FGFR1: variants seen among roughly 807,000 people sequenced by gnomAD.
FGFR1 encodes the protein fibroblast growth factor receptor 1, also known as FGFR1/PLAG1 fusion.
A neutral mutation model predicts 93.7 loss-of-function variants in FGFR1; 18 were observed. That is an observed-to-expected ratio of 0.19 (90% CI 0.13 to 0.28). The LOEUF (loss-of-function observed/expected upper bound fraction) is 0.28, where lower values mean the gene tolerates loss of function less well. FGFR1 is among the 10% of genes least tolerant of loss of function. FGFR1 has a pLI of 1.00. For synonymous variants in FGFR1, 448 were observed against 429.3 expected, an observed-to-expected ratio of 1.04 and a Z score of -0.54; for missense variants, 731 against 1,080.4, an observed-to-expected ratio of 0.68 and a Z score of 4.53.
chr8:38,432,177 A>G (rs1332211925), intron 2 of FGFR1, among the ~76,000 whole-genome samples: 3 of 152,146 alleles, frequency 2.0e-5, no homozygotes, highest in African/African-American at 7.2e-5. Flanking sequence ...AAGAGAATGC[A>G]GCAAAGGAAC....
At chr8:38,460,217 C>G (rs1834053585) in intron 1 of FGFR1, among the ~76,000 whole-genome samples, 1 of 152,176 alleles carries the variant, frequency 6.6e-6, no homozygotes, top group Admixed American at 6.5e-5. Context: ...CCCTTGGAAG[C>G]AGACCACAGA....
At chr8:38,467,403 C>G (rs1391910575) in intron 1 of FGFR1, among the ~76,000 whole-genome samples, 3 of 152,148 alleles carry the variant, frequency 2.0e-5, no homozygotes, top group Non-Finnish European at 4.4e-5. Context: ...TCTCCCACCC[C>G]ATCCGACCCC....
At chr8:38,460,354 C>G (rs1350927712) in intron 1 of FGFR1, among the ~76,000 whole-genome samples, 1 of 152,192 alleles carries the variant, frequency 6.6e-6, no homozygotes, top group Non-Finnish European at 1.5e-5. Context: ...TGATGCAGGC[C>G]TGTCACCCAG....
chr8:38,440,243 G>A, intron 2 of FGFR1: 1 of 1,438,674 alleles, frequency 7.0e-7, no homozygotes, highest in Non-Finnish European at 9.6e-7. Flanking sequence ...CGGGGCTCCG[G>A]GGGCCCTCTG....
intron 1 of FGFR1, among the ~76,000 whole-genome samples, 188 bp from the exon 2 acceptor site, chr8:38,457,722 C>T (rs1833249467): frequency 6.6e-6 from 1 of 152,142 alleles, no homozygotes; most frequent in Non-Finnish European, 1.5e-5. Context: ...TGTGGTGGTG[C>T]ACCCTGTAAT....
chr8:38,461,054 C>T (rs1834284587), intron 1 of FGFR1: 1 of 1,535,478 alleles, frequency 6.5e-7, no homozygotes, highest in African/African-American at 1.4e-5. Flanking sequence ...AGAGGGGGCA[C>T]ATCTCAGTTT....
intron 2 of FGFR1, among the ~76,000 whole-genome samples, chr8:38,442,995 T>C (rs1828027528): frequency 6.6e-6 from 1 of 152,124 alleles, no homozygotes; most frequent in African/African-American, 2.4e-5. Flanking sequence ...TTCTCCACCG[T>C]AAAGAAATTC....
intron 2 of FGFR1, among the ~76,000 whole-genome samples, chr8:38,445,738 A>G (rs1280720959): frequency 1.3e-5 from 2 of 150,016 alleles, no homozygotes; most frequent in Non-Finnish European, 3.0e-5. Context: ...TAGTAGAGAC[A>G]CTATGTTGGC....
intron 8 of FGFR1, chr8:38,421,536 G>C (rs1228490200): frequency 1.8e-6 from 1 of 545,418 alleles, no homozygotes; most frequent in Non-Finnish European, 3.3e-6. Context: ...CCCAGATCCC[G>C]GGCATGCATT....
In FGFR1 at chr8:38,455,399, G is replaced by C. The variant is rs193155466; in HGVS notation, c.91+1957C>G. 1.7e-3 allele frequency among the ~76,000 whole-genome samples: 261 copies of C among 152,254 alleles called. 3 individuals carry two copies. The highest frequency in any genetic ancestry group is 5.9e-3 in the African/African-American group (246 of 41,548). The stretch of plus-strand genomic sequence containing the variant: ...GGGTTCACGCCATTCTCCTGCCTCA[G>C]CTGGAGACTGGAGCTGGAGTAGCTG... On this transcript the variant is annotated intron_variant, in intron 2 of 17. Transcript: ENST00000447712.
At chr8:38,416,448 ATTTTTTTTTTTTTT>A (rs57944426) in intron 12 of FGFR1, among the ~76,000 whole-genome samples, 4 of 80,932 alleles carry the variant, frequency 4.9e-5, no homozygotes, top group African/African-American at 1.6e-4. Context: ...TGCCTGGCTA[ATTTTTTTTTTTTTT>A]TTTTTTTTTT....
chr8:38,429,788 C>T lies in FGFR1; in HGVS notation c.252G>A (p.Glu84=), dbSNP rs2150959809. Residue 84 remains glutamate (E), a synonymous_variant, in exon 3 of 18, where the codon GAG becomes GAA. Transcript: ENST00000447712. This position sits in a 1 kb window ranked among gnomAD's most constrained non-coding sequence, Gnocchi z 4.4. The part of the protein sequence containing the change: ...AESNRTRITG[E]EVEVQDSVPA... ...GCACGGAGTCCTGCACCTCCACCTC[C>T]TCCCCTGTGATGCGGGTGCGGTTGC... 9 of 1,612,250 alleles carry T rather than the reference C, an allele frequency of 5.6e-6. No homozygotes were observed. In the East Asian group the frequency reaches 1.6e-4, roughly 28 times the overall value.
intron 2 of FGFR1, among the ~76,000 whole-genome samples, chr8:38,446,800 CAG>C: frequency 6.6e-6 from 1 of 152,252 alleles, no homozygotes. Context: ...TTCCATTCAT[CAG>C]AGATTGTTGG....
At chr8:38,457,673 C>A (rs2151359787) in intron 1 of FGFR1, 139 bp from the exon 2 acceptor site, 1 of 781,152 alleles carries the variant, frequency 1.3e-6, no homozygotes, top group Non-Finnish European at 2.0e-6. Flanking sequence ...AATTGTGAAG[C>A]TACCCCAACA....
In FGFR1 at chr8:38,424,222, T is replaced by A; in HGVS notation, c.936+287A>T. On this transcript the variant is annotated intron_variant, in intron 7 of 17. Transcript: ENST00000447712. The surrounding 1 kb of genome is among the most constrained non-coding windows in gnomAD (Gnocchi z 4.3). Reference sequence around the variant, plus strand: ...AAAGGCAGGGGTCCAAATGCCTTCCTTGTGTAGCTGACCCCAAAGCCCCAG... The same window carrying A: ...AAAGGCAGGGGTCCAAATGCCTTCCATGTGTAGCTGACCCCAAAGCCCCAG... 1 of 571,126 alleles carries A rather than the reference T, an allele frequency of 1.8e-6. No homozygotes were observed. Among genetic ancestry groups the A allele is most frequent in the Non-Finnish European group, 3.3e-6 (1 of 301,514 alleles). The allele number at this position is 571,126 out of a possible 1,614,324, so 35.4% of individuals were successfully genotyped here.
chr8:38,449,579 G>C (rs1409267625), intron 2 of FGFR1, among the ~76,000 whole-genome samples: 4 of 152,164 alleles, frequency 2.6e-5, no homozygotes, highest in Non-Finnish European at 5.9e-5. Flanking sequence ...ACTCTTTGCG[G>C]AACTCCTTGA....
chr8:38,442,403 C>T (rs1827836264), intron 2 of FGFR1, among the ~76,000 whole-genome samples: 1 of 90,840 alleles, frequency 1.1e-5, no homozygotes, highest in Non-Finnish European at 2.5e-5. Flanking sequence ...GTGCAGGGGT[C>T]CCACTGCTGG....
Position 38,424,712 on chromosome 8 carries a change from GGA to G in FGFR1, c.746-15_746-14del. 6.2e-7 allele frequency: 1 copy of G among 1,607,002 alleles called. No homozygotes were observed. The highest frequency in any genetic ancestry group is 1.1e-5 in the South Asian group (1 of 90,758). ...TGAGGGGACCGCTCTGTGGAAGATG[GGA>G]GAGGAGGCACTTGTCATGGGGACCT... On this transcript the variant is annotated splice_polypyrimidine_tract_variant and intron_variant, in intron 6 of 17. Coordinates refer to ENST00000447712, the MANE Select transcript of FGFR1 (RefSeq NM_023110.3). The surrounding 1 kb of genome is among the most constrained non-coding windows in gnomAD (Gnocchi z 4.3).
At position 38,424,731 on chromosome 8, in the gene FGFR1, T is replaced by C. The variant is rs201194065; in HGVS notation, c.746-32A>G. 2.2e-5 allele frequency: 36 copies of C among 1,601,022 alleles called. No homozygotes were observed. Among genetic ancestry groups the C allele is most frequent in the African/African-American group, 5.3e-5 (4 of 74,906 alleles). Reference sequence around the variant, plus strand: ...AAGATGGGAGAGGAGGCACTTGTCATGGGGACCTTGCCATGGCTAAAGAGG... The same window carrying C: ...AAGATGGGAGAGGAGGCACTTGTCACGGGGACCTTGCCATGGCTAAAGAGG... On this transcript the variant is annotated intron_variant, in intron 6 of 17. Transcript: ENST00000447712. The surrounding 1 kb of genome is among the most constrained non-coding windows in gnomAD (Gnocchi z 4.3).
Sources: gnomAD v4.1 joint callset for allele counts (sites outside exome capture counted in the v4.1 genomes callset) on GRCh38, gnomAD v4.1.1 for gene constraint, Gnocchi (gnomAD v3.1) non-coding constraint, MANE v1.5 for transcripts, NCBI Gene and HGNC (gene_info 2026-07-23, HGNC 2026-07-21) for gene names.